Variants in SLC6A17 observed in about 807,000 individuals in gnomAD.
SLC6A17 encodes the protein solute carrier family 6 member 17.
A neutral mutation model predicts 64.5 loss-of-function variants in SLC6A17; 21 were observed. That is an observed-to-expected ratio of 0.33 (90% CI 0.23 to 0.47). The LOEUF is 0.47. Ranked by LOEUF, SLC6A17 falls within the 20% of genes least tolerant of loss-of-function variation. The pLI is 1.00. For missense variants in SLC6A17, 682 were observed against 963.2 expected, an observed-to-expected ratio of 0.71 and a Z score of 3.86; for synonymous variants, 372 against 399.5, an observed-to-expected ratio of 0.93 and a Z score of 0.82.
At chr1:110,195,565 C>T (rs372203781) in intron 9 of SLC6A17, 21 bp from the exon 10 acceptor site, 80 of 1,612,880 alleles carry the variant, frequency 5.0e-5, no homozygotes, top group Middle Eastern at 1.7e-4. Flanking sequence ...GCCCCCAAAC[C>T]GGCCTCCCGG....
At chr1:110,175,283 C>T (rs1160986982) in intron 5 of SLC6A17, among the ~76,000 whole-genome samples, 2 of 152,214 alleles carry the variant, frequency 1.3e-5, no homozygotes, top group African/African-American at 4.8e-5. Flanking sequence ...TCTAGACCCT[C>T]AGGTTCCCAA....
intron 3 of SLC6A17, 81 bp from the exon 4 acceptor site, chr1:110,173,892 C>CGAAGGAGCAG: frequency 6.4e-7 from 1 of 1,552,178 alleles, no homozygotes; most frequent in Non-Finnish European, 8.7e-7. Context: ...GCGCTGCCGA[C>CGAAGGAGCAG]GTGCTGGGCC....
At chr1:110,191,027 A>G (rs1380551555) in intron 6 of SLC6A17, among the ~76,000 whole-genome samples, 1 of 152,172 alleles carries the variant, frequency 6.6e-6, no homozygotes, top group Non-Finnish European at 1.5e-5. Context: ...GGTCAGCCTC[A>G]TTCTGTTGGG....
intron 6 of SLC6A17, chr1:110,178,157 C>T (rs193041196): frequency 1.1e-3 from 165 of 152,306 alleles, no homozygotes; most frequent in African/African-American, 3.8e-3. Context: ...TTTCTAGAAC[C>T]ATGATCAGTC....
At chr1:110,171,960 C>T (rs1175610439) in intron 2 of SLC6A17, 100 bp from the exon 3 acceptor site, 22 of 1,477,108 alleles carry the variant, frequency 1.5e-5, no homozygotes, top group Non-Finnish European at 2.0e-5. Context: ...TGCGGATGAC[C>T]AGAGATGTGG....
rs148773973 is a variant in SLC6A17, at chr1:110,190,828, G to T, written c.865-1144G>T. ...TAGAAAAACTGAGTCAGGAGTTGGTGCTGGGGCCGGGGGCGGGGGCCTGGC... is the reference window on the plus strand; with the variant it reads ...TAGAAAAACTGAGTCAGGAGTTGGTTCTGGGGCCGGGGGCGGGGGCCTGGC... On this transcript the variant is annotated intron_variant, in intron 6 of 11. Coordinates refer to ENST00000331565, the MANE Select transcript of SLC6A17 (RefSeq NM_001010898.4). Among the ~76,000 whole-genome samples, 125 of 152,240 alleles carry T rather than the reference G, an allele frequency of 8.2e-4. No individual in the cohort carries two copies. The East Asian group carries it at 0.018, about 22-fold the overall frequency.
At position 110,194,678 on chromosome 1, in the gene SLC6A17, A is replaced by T; in HGVS notation, c.1399A>T (p.Ile467Phe). 6.2e-7 allele frequency: 1 copy of T among 1,614,200 alleles called. No homozygotes were observed. The highest frequency in any genetic ancestry group is 8.5e-7 in the Non-Finnish European group (1 of 1,180,044). ...GTCCGTCATGTTCTTCTTGATGCTTATCAACCTGGGCCTGGGCAGCATGAT... is the reference window on the plus strand; with the variant it reads ...GTCCGTCATGTTCTTCTTGATGCTTTTCAACCTGGGCCTGGGCAGCATGAT... ...FWSVMFFLML[I>F]NLGLGSMIGT... Residue 467 changes from isoleucine (I) to phenylalanine (F), a missense_variant, in exon 9 of 12, where the codon ATC becomes TTC. Physicochemically the swap from Ile to Phe is conservative, Grantham distance 21. Around this residue, in one of 3 missense-constraint regions of SLC6A17, gnomAD observed 415 missense variants for 603.8 expected, o/e 0.69. Coordinates refer to ENST00000331565, the MANE Select transcript of SLC6A17 (RefSeq NM_001010898.4).
In SLC6A17 at chr1:110,199,843, G is replaced by C; in HGVS notation, c.*1399G>C. On this transcript the variant is annotated 3_prime_UTR_variant, in exon 12 of 12. Transcript: ENST00000331565. ...CAAGAGTAAATGTCTGCAGAGAGAT[G>C]GATGGATGGATGGATAGATGGATGG... The C allele has an allele frequency of 2.6e-6, 1 of 379,722 alleles. No individual in the cohort carries two copies. Among genetic ancestry groups the C allele is most frequent in the Middle Eastern group, 6.8e-4 (1 of 1,468 alleles). 23.5% of individuals were successfully genotyped at this position (379,722 alleles called of 1,614,324 possible).
chr1:110,190,387 C>T (rs979073374), intron 6 of SLC6A17, among the ~76,000 whole-genome samples: 3 of 152,206 alleles, frequency 2.0e-5, no homozygotes, highest in Non-Finnish European at 4.4e-5. Context: ...TACCATCCCC[C>T]ACCTCTTTCC....
rs34967450 is a variant in SLC6A17 at position 110,182,621 on chromosome 1, C to CAGAG, written c.864+5890_864+5893dup. Among the ~76,000 whole-genome samples the CAGAG allele has an allele frequency of 1.9e-3, 282 of 150,268 alleles. 1 individual carries two copies. The highest frequency in any genetic ancestry group is 6.7e-3 in the African/African-American group (274 of 40,800). On this transcript the variant is annotated intron_variant, in intron 6 of 11. Coordinates refer to ENST00000331565, the MANE Select transcript of SLC6A17 (RefSeq NM_001010898.4). ...TGGCGGGGAGGTCGAAGAATAGGAG[C>CAGAG]AGAGAGAGAGACAGGCAGGCCGACA...
intron 6 of SLC6A17, among the ~76,000 whole-genome samples, chr1:110,184,821 G>A (rs1407246383): frequency 1.3e-5 from 2 of 152,200 alleles, no homozygotes; most frequent in Non-Finnish European, 2.9e-5. Flanking sequence ...TGTGTATACT[G>A]CTGGTATACG....
chr1:110,181,030 C>A (rs1338346776), intron 6 of SLC6A17, among the ~76,000 whole-genome samples: 1 of 152,146 alleles, frequency 6.6e-6, no homozygotes, highest in African/African-American at 2.4e-5. Flanking sequence ...GCGATGTGGC[C>A]AAGCTGCCAT....
intron 2 of SLC6A17, 37 bp downstream of exon 2, chr1:110,167,252 C>G (rs781678165): frequency 6.3e-7 from 1 of 1,585,484 alleles, no homozygotes; most frequent in Non-Finnish European, 8.6e-7. Flanking sequence ...GGGTCCCCTG[C>G]AAATAGGCCG....
chr1:110,192,918 G>A lies in SLC6A17; in HGVS notation c.1299+220G>A, dbSNP rs1377885552. On this transcript the variant is annotated intron_variant, in intron 8 of 11. Transcript: ENST00000331565. The surrounding 1 kb of genome is among the most constrained non-coding windows in gnomAD (Gnocchi z 4.3). ...TTGAGCCTAGACAAGAAGTAGGGCA[G>A]ACACACACCTCTCAGAAGTCACAGT... Among the ~76,000 whole-genome samples the A allele has an allele frequency of 6.6e-6, 1 of 152,234 alleles. No homozygotes were observed. The highest frequency in any genetic ancestry group is 2.4e-5 in the African/African-American group (1 of 41,468).
At chr1:110,153,719 A>G (rs2101835382) in intron 1 of SLC6A17, among the ~76,000 whole-genome samples, 1 of 152,320 alleles carries the variant, frequency 6.6e-6, no homozygotes, top group South Asian at 2.1e-4. Context: ...TTGCTGCAGC[A>G]GGACAATTCA....
At chr1:110,197,098 C>G (rs1656989661) in intron 10 of SLC6A17, among the ~76,000 whole-genome samples, 1 of 152,174 alleles carries the variant, frequency 6.6e-6, no homozygotes, top group Admixed American at 6.5e-5. Context: ...GCAGGGGGAG[C>G]CTTCAGCCAG....
chr1:110,164,202 A>G (rs955769697), intron 1 of SLC6A17, among the ~76,000 whole-genome samples: 1 of 152,180 alleles, frequency 6.6e-6, no homozygotes, highest in African/African-American at 2.4e-5. Context: ...GAGTCAATGA[A>G]TGAAGTGAGA....
rs1656079046 is a variant in SLC6A17 at position 110,166,980 on chromosome 1, C to T, written c.51C>T (p.Val17=). The part of the protein sequence containing the change: ...VTQREHSSEH[V]TESVADLLAL... ...AGCGTGAGCACAGCAGTGAGCATGTCACTGAGTCCGTGGCCGACCTGCTGG... is the reference window on the plus strand; with the variant it reads ...AGCGTGAGCACAGCAGTGAGCATGTTACTGAGTCCGTGGCCGACCTGCTGG... Residue 17 remains valine (V), a synonymous_variant, in exon 2 of 12, where the codon GTC becomes GTT. Transcript: ENST00000331565. 1.9e-6 allele frequency: 3 copies of T among 1,613,694 alleles called. No homozygotes were observed. Among genetic ancestry groups the T allele is most frequent in the Non-Finnish European group, 2.5e-6 (3 of 1,179,906 alleles).
chr1:110,183,574 T>TA (rs1009354345), intron 6 of SLC6A17, among the ~76,000 whole-genome samples: 8 of 152,184 alleles, frequency 5.3e-5, no homozygotes, highest in African/African-American at 1.7e-4. Flanking sequence ...AACAGTGTGA[T>TA]ACGCTAAAAA....
Sources: allele counts gnomAD v4.1 joint callset (sites outside exome capture counted in the v4.1 genomes callset), GRCh38; gene constraint gnomAD v4.1.1; regional missense constraint gnomAD v4.1.1; non-coding constraint Gnocchi (gnomAD v3.1); transcripts MANE v1.5; gene names NCBI Gene and HGNC (gene_info 2026-07-23, HGNC 2026-07-21).